Variants in ZNF273 observed in about 807,000 individuals in gnomAD.
ZNF273 encodes the protein zinc finger protein 273.
A neutral mutation model predicts 14.9 loss-of-function variants in ZNF273; 11 were observed. The ratio of observed to expected loss-of-function variants is 0.74; its 90% CI spans 0.46 to 1.22. The LOEUF (loss-of-function observed/expected upper bound fraction) is 1.22, where lower values mean the gene tolerates loss of function less well. ZNF273 is among the 50% of genes most tolerant of loss of function. ZNF273 has a pLI of 0.00. For synonymous variants in ZNF273, 199 were observed against 223.9 expected (o/e 0.89, Z 0.99); for missense variants, 577 against 660.6 (o/e 0.87, Z 1.39).
At chr7:64,896,938 ATATTT>A (rs1792397557) in intron 3 of ZNF273, among the ~76,000 whole-genome samples, 1 of 152,256 alleles carries the variant, frequency 6.6e-6, no homozygotes, top group Non-Finnish European at 1.5e-5. Flanking sequence ...AAAATGTGGT[ATATTT>A]ACACAATGGA....
chr7:64,893,888 A>G (rs1792204141), downstream of ZNF273: 1 of 152,682 alleles, frequency 6.5e-6, no homozygotes, highest in African/African-American at 2.4e-5. Context: ...ATGTTCCAAA[A>G]TGAATAAAGG....
At chr7:64,881,122 T>G (rs576894212), downstream of ZNF273, among the ~76,000 whole-genome samples, 25 of 152,294 alleles carry the variant, frequency 1.6e-4, no homozygotes, top group African/African-American at 5.5e-4. Flanking sequence ...CATAGCCCAG[T>G]GCCCAGCTGG....
chr7:64,889,251 G>C, downstream of ZNF273: 1 of 985,310 alleles, frequency 1.0e-6, no homozygotes, highest in African/African-American at 1.7e-5. The surrounding 1 kb of genome is among the most constrained non-coding windows in gnomAD (Gnocchi z 4.2). Flanking sequence ...CCCGCTCCCC[G>C]CCCGCAAAGG....
At chr7:64,917,740 T>A in intron 2 of ZNF273, 33 bp downstream of exon 2, 1 of 1,539,254 alleles carries the variant, frequency 6.5e-7, no homozygotes, top group South Asian at 1.2e-5. Context: ...ATTTAAAGGT[T>A]TCACTTCTCC....
chr7:64,884,873 C>T (rs756991992), intron 1 of ZNF273, among the ~76,000 whole-genome samples: 1 of 152,228 alleles, frequency 6.6e-6, no homozygotes, highest in Non-Finnish European at 1.5e-5. Context: ...TACTTTTAGG[C>T]TTCCACAGTG....
At chr7:64,917,791 ATAAAT>A in intron 2 of ZNF273, 84 bp downstream of exon 2, 2 of 1,424,986 alleles carry the variant, frequency 1.4e-6, no homozygotes, top group Non-Finnish European at 1.9e-6. Flanking sequence ...CTTTGCATAA[ATAAAT>A]TTTAGATCCC....
upstream of ZNF273, among the ~76,000 whole-genome samples, chr7:64,898,393 G>A (rs556907734): frequency 2.5e-3 from 382 of 152,164 alleles, 2 homozygotes; most frequent in African/African-American, 8.9e-3. Context: ...AGTAGTACTC[G>A]CGTGCCAAAC....
downstream of ZNF273, among the ~76,000 whole-genome samples, chr7:64,881,272 C>A (rs1279229592): frequency 1.3e-5 from 2 of 152,208 alleles, no homozygotes; most frequent in Non-Finnish European, 2.9e-5. Context: ...GCACACCAGC[C>A]TCCTCTTTTC....
In ZNF273 at chr7:64,896,298, TAATATATTTGGTTCCGCAAATGA is replaced by T. The variant is rs561593710; in HGVS notation, n.489-1025_489-1003del. On this transcript the variant is annotated intron_variant and non_coding_transcript_variant, in intron 3 of 7. Transcript: ENST00000527278. ...CAAGTTACCCCAAACACTAAATGTC[TAATATATTTGGTTCCGCAAATGA>T]AATATATTTGGTTCCGCAAATGAAC... Among the ~76,000 whole-genome samples the T allele has an allele frequency of 1.1e-4, 17 of 152,232 alleles. No homozygotes were observed. The South Asian group carries it at 1.2e-3, about 11-fold the overall frequency.
At chr7:64,880,786 A>AC (rs1179147163), downstream of ZNF273, among the ~76,000 whole-genome samples, 2 of 151,620 alleles carry the variant, frequency 1.3e-5, no homozygotes, top group Admixed American at 6.6e-5. Flanking sequence ...AAGAACAGAA[A>AC]CCCCCGAGTG....
At chr7:64,885,134 C>T (rs1323596696) in intron 1 of ZNF273, among the ~76,000 whole-genome samples, 5 of 152,224 alleles carry the variant, frequency 3.3e-5, no homozygotes, top group African/African-American at 4.8e-5. Context: ...GGACACGTGT[C>T]GGCGTTGGAC....
chr7:64,891,732 C>T (rs1229459335), downstream of ZNF273, among the ~76,000 whole-genome samples: 1 of 152,218 alleles, frequency 6.6e-6, no homozygotes, highest in East Asian at 1.9e-4. Context: ...GTCACCTCAG[C>T]TAAGTCATAA....
chr7:64,879,672 T>A (rs374403480), exon 3 of ZNF273: 1 of 152,170 alleles, frequency 6.6e-6, no homozygotes, highest in Non-Finnish European at 1.5e-5. Flanking sequence ...GCTAGCACCA[T>A]CATCCAGAAT....
downstream of ZNF273, among the ~76,000 whole-genome samples, chr7:64,931,870 AT>A (rs571663300): frequency 2.0e-5 from 3 of 151,990 alleles, no homozygotes; most frequent in Non-Finnish European, 4.4e-5. Flanking sequence ...TGGAGAGGAC[AT>A]TTTTTTTCCA....
downstream of ZNF273, among the ~76,000 whole-genome samples, chr7:64,933,067 G>A (rs559792472): frequency 5.1e-4 from 77 of 152,124 alleles, no homozygotes; most frequent in South Asian, 1.2e-3. Flanking sequence ...CGCCTCCCAG[G>A]TTCAAGCTGT....
At chr7:64,915,392 C>G (rs1487334826) in intron 1 of ZNF273, among the ~76,000 whole-genome samples, 1 of 152,158 alleles carries the variant, frequency 6.6e-6, no homozygotes, top group African/African-American at 2.4e-5. Flanking sequence ...GAGCCTCAAA[C>G]AGAGATTTAC....
At chr7:64,895,467 A>G (rs1168667817) in intron 3 of ZNF273, among the ~76,000 whole-genome samples, 2 of 151,564 alleles carry the variant, frequency 1.3e-5, no homozygotes, top group South Asian at 2.1e-4. Flanking sequence ...CCAGATTCCG[A>G]TTCACTAACA....
upstream of ZNF273, among the ~76,000 whole-genome samples, chr7:64,899,157 G>T (rs1792536649): frequency 6.6e-6 from 1 of 152,104 alleles, no homozygotes. Context: ...AATTTCAAAA[G>T]GTCCAAAACT....
chr7:64,908,396 C>T (rs1209766288), intron 1 of ZNF273, among the ~76,000 whole-genome samples: 1 of 152,166 alleles, frequency 6.6e-6, no homozygotes, highest in East Asian at 1.9e-4. Flanking sequence ...CCTCTTTGTC[C>T]TCTCACCCTC....
Sources: allele counts gnomAD v4.1 joint callset (sites outside exome capture counted in the v4.1 genomes callset), GRCh38; gene constraint gnomAD v4.1.1; non-coding constraint Gnocchi (gnomAD v3.1); transcripts MANE v1.5; gene names NCBI Gene and HGNC (gene_info 2026-07-23, HGNC 2026-07-21).